KHDRBS3: variants seen among roughly 807,000 people sequenced by gnomAD.
The protein encoded by KHDRBS3 is KH RNA binding domain containing, signal transduction associated 3, also known as KH domain-containing, RNA-binding, signal transduction-associated protein 3.
A neutral mutation model predicts 45.6 loss-of-function variants in KHDRBS3; 23 were observed. The observed-to-expected ratio is 0.50, with a 90% CI of 0.36 to 0.72. The LOEUF is 0.72. Ranked by LOEUF, KHDRBS3 falls within the 30% of genes least tolerant of loss-of-function variation. The probability of loss-of-function intolerance (pLI) is 0.00; values close to 1 mark genes in which losing one functional copy is unlikely to be tolerated. For synonymous variants in KHDRBS3, 162 were observed against 156.5 expected, an observed-to-expected ratio of 1.04 and a Z score of -0.26; for missense variants, 352 against 424.8, an observed-to-expected ratio of 0.83 and a Z score of 1.51.
At chr8:135,641,487 C>G (rs1287168242) in intron 7 of KHDRBS3, among the ~76,000 whole-genome samples, 3 of 152,154 alleles carry the variant, frequency 2.0e-5, no homozygotes, top group African/African-American at 7.2e-5. Context: ...AACTTCTGAC[C>G]CTTGGAAAGA....
At chr8:135,472,364 C>T (rs1467031485) in intron 1 of KHDRBS3, among the ~76,000 whole-genome samples, 19 of 152,296 alleles carry the variant, frequency 1.2e-4, no homozygotes, top group Admixed American at 5.2e-4. Context: ...ACCAGACACA[C>T]GATGAGGATT....
intron 7 of KHDRBS3, among the ~76,000 whole-genome samples, chr8:135,618,160 AT>A (rs1336456734): frequency 8.5e-5 from 13 of 152,326 alleles, no homozygotes; most frequent in Non-Finnish European, 1.3e-4. Flanking sequence ...CCTTAAAAAT[AT>A]TTGTGACTTA....
At chr8:135,530,059 C>CAAAAAAA (rs11428464) in intron 2 of KHDRBS3, among the ~76,000 whole-genome samples, 2 of 136,626 alleles carry the variant, frequency 1.5e-5, no homozygotes, top group African/African-American at 5.8e-5. Context: ...ACTCCCATCT[C>CAAAAAAA]AAAAAAAAAA....
downstream of KHDRBS3, among the ~76,000 whole-genome samples, chr8:135,651,529 G>C (rs561503147): frequency 1.5e-4 from 23 of 152,080 alleles, no homozygotes; most frequent in Admixed American, 7.2e-4. Flanking sequence ...TGTAATGAAG[G>C]GTCTTGTAGG....
intron 1 of KHDRBS3, among the ~76,000 whole-genome samples, chr8:135,465,005 G>A (rs1318201): frequency 0.073 from 11,075 of 152,212 alleles, 585 homozygotes; most frequent in African/African-American, 0.15. Flanking sequence ...TATTGGACTG[G>A]GTGAGCAGGG....
intron 1 of KHDRBS3, among the ~76,000 whole-genome samples, chr8:135,473,224 C>T (rs1363504040): frequency 6.6e-6 from 1 of 152,126 alleles, no homozygotes; most frequent in Admixed American, 6.5e-5. Context: ...GTCCGGAAAG[C>T]TTCCTGGCTC....
At chr8:135,627,819 C>CT (rs997252805) in intron 7 of KHDRBS3, among the ~76,000 whole-genome samples, 9 of 151,768 alleles carry the variant, frequency 5.9e-5, no homozygotes, top group South Asian at 2.1e-4. Context: ...AATTACATGG[C>CT]TTTTTTTTAG....
rs113620146 is a variant in KHDRBS3, at chr8:135,536,731, C to T, written c.208-5923C>T. Among the ~76,000 whole-genome samples the T allele has an allele frequency of 7.9e-5, 12 of 151,158 alleles. No individual in the cohort carries two copies. The South Asian group carries it at 2.3e-3, about 29-fold the overall frequency. On this transcript the variant is annotated intron_variant, in intron 2 of 8. Coordinates refer to ENST00000355849, the MANE Select transcript of KHDRBS3 (RefSeq NM_006558.3). ...ATCCCAGCACTTTGGGAGGCCGAGG[C>T]GGGTGGATCATGAGGTCAGGAGATC...
At chr8:135,628,782 C>T (rs1175782761) in intron 7 of KHDRBS3, among the ~76,000 whole-genome samples, 1 of 152,120 alleles carries the variant, frequency 6.6e-6, no homozygotes, top group Non-Finnish European at 1.5e-5. Context: ...AGTTTTCTTA[C>T]ACAGAAGGTT....
At chr8:135,481,780 G>A (rs1293781222) in intron 1 of KHDRBS3, among the ~76,000 whole-genome samples, 3 of 152,156 alleles carry the variant, frequency 2.0e-5, no homozygotes, top group East Asian at 3.9e-4. Context: ...GCACTTAAGT[G>A]GGGCCTTCTA....
intron 1 of KHDRBS3, among the ~76,000 whole-genome samples, chr8:135,505,355 C>T (rs1407382701): frequency 6.6e-6 from 1 of 152,148 alleles, no homozygotes; most frequent in African/African-American, 2.4e-5. Context: ...CTTGGCCTGT[C>T]TACCACTTCC....
intron 2 of KHDRBS3, among the ~76,000 whole-genome samples, chr8:135,534,980 A>T (rs944384764): frequency 2.6e-5 from 4 of 152,100 alleles, no homozygotes; most frequent in Admixed American, 2.6e-4. Context: ...GCCACCACTA[A>T]CTCATGAGCC....
chr8:135,570,129 T>C (rs1827633139), intron 5 of KHDRBS3, among the ~76,000 whole-genome samples: 1 of 152,200 alleles, frequency 6.6e-6, no homozygotes, highest in Admixed American at 6.5e-5. Flanking sequence ...GGCAAAACTT[T>C]CTTTTATGCA....
intron 7 of KHDRBS3, among the ~76,000 whole-genome samples, 180 bp downstream of exon 7, chr8:135,607,217 G>A (rs1483458609): frequency 6.6e-5 from 10 of 152,098 alleles, no homozygotes; most frequent in African/African-American, 2.4e-4. Flanking sequence ...CCCTACCCAA[G>A]TTTACTATAA....
downstream of KHDRBS3, among the ~76,000 whole-genome samples, chr8:135,649,361 G>T (rs1190869050): frequency 6.6e-6 from 1 of 152,114 alleles, no homozygotes; most frequent in Non-Finnish European, 1.5e-5. Flanking sequence ...GTTGTTAGAA[G>T]AATTAAGATA....
intron 2 of KHDRBS3, among the ~76,000 whole-genome samples, chr8:135,535,169 G>T (rs1262397383): frequency 6.6e-6 from 1 of 151,216 alleles, no homozygotes; most frequent in East Asian, 1.9e-4. Flanking sequence ...AGTTAAGGTT[G>T]TGTGAAAATC....
rs1586859949 is a variant in KHDRBS3 at position 135,647,160 on chromosome 8, A to G, written c.*76A>G. The G allele has an allele frequency of 1.2e-5, 7 of 589,914 alleles. 1 individual carries two copies. In the Admixed American group the frequency reaches 1.8e-4, roughly 15 times the overall value. 36.5% of individuals were successfully genotyped at this position (589,914 alleles called of 1,614,324 possible). A position where few individuals can be genotyped will look rare whatever the true frequency, so the allele number is the denominator to read the frequency against. Reference sequence around the variant, plus strand: ...TGTTCAAAGTAATTTTTTTCTATGAACAATCCCTTTTTAAATAAATCAGAA... The same window carrying G: ...TGTTCAAAGTAATTTTTTTCTATGAGCAATCCCTTTTTAAATAAATCAGAA... On this transcript the variant is annotated 3_prime_UTR_variant, in exon 9 of 9. Transcript: ENST00000355849.
At chr8:135,607,426 T>G (rs1300951551) in intron 7 of KHDRBS3, among the ~76,000 whole-genome samples, 1 of 152,192 alleles carries the variant, frequency 6.6e-6, no homozygotes, top group Non-Finnish European at 1.5e-5. Flanking sequence ...TTGTTTCCTA[T>G]TCATAGAACA....
chr8:135,621,895 T>C (rs773567616), intron 7 of KHDRBS3, among the ~76,000 whole-genome samples: 17 of 152,026 alleles, frequency 1.1e-4, no homozygotes, highest in Admixed American at 5.2e-4. Context: ...CACAGATTTT[T>C]TTTTTGTTTT....
Sources: gnomAD v4.1 joint callset for allele counts (sites outside exome capture counted in the v4.1 genomes callset) on GRCh38, gnomAD v4.1.1 for gene constraint, MANE v1.5 for transcripts, NCBI Gene and HGNC (gene_info 2026-07-23, HGNC 2026-07-21) for gene names.